MTA3: variants seen among roughly 807,000 people sequenced by gnomAD.
MTA3 encodes metastasis-associated protein MTA3.
In MTA3, 34 loss-of-function variants were observed where a neutral mutation model predicts 83.5. The ratio of observed to expected loss-of-function variants is 0.41; its 90% CI spans 0.31 to 0.54. The LOEUF is 0.54. MTA3 is among the 20% of genes least tolerant of loss of function. The pLI is 0.33. For missense variants in MTA3, 761 were observed against 726.4 expected (o/e 1.05, Z -0.55); for synonymous variants, 303 against 252.7 (o/e 1.20, Z -1.89).
chr2:42,642,396 C>G (rs1235007455), intron 5 of MTA3, among the ~76,000 whole-genome samples: 2 of 151,856 alleles, frequency 1.3e-5, no homozygotes, highest in East Asian at 3.9e-4. Context: ...GGGCTCATGT[C>G]TGTGATCCCA....
intron 2 of MTA3, among the ~76,000 whole-genome samples, chr2:42,500,514 G>C (rs1476897475): frequency 6.6e-6 from 1 of 152,104 alleles, no homozygotes; most frequent in Non-Finnish European, 1.5e-5. Context: ...TCCAGCCTGG[G>C]TGACAGAGGC....
chr2:42,592,674 C>G (rs556398796), intron 3 of MTA3, among the ~76,000 whole-genome samples: 1 of 152,270 alleles, frequency 6.6e-6, no homozygotes, highest in African/African-American at 2.4e-5. Context: ...GGGTCAGGAT[C>G]ATCAATATCA....
At chr2:42,701,487 C>T (rs988855793) in intron 11 of MTA3, among the ~76,000 whole-genome samples, 2 of 151,414 alleles carry the variant, frequency 1.3e-5, no homozygotes, top group Non-Finnish European at 2.9e-5. Flanking sequence ...GTCCCAGCTA[C>T]TTGAGAGGCT....
intron 8 of MTA3, among the ~76,000 whole-genome samples, chr2:42,662,272 C>G (rs532602913): frequency 1.3e-5 from 2 of 152,142 alleles, no homozygotes; most frequent in African/African-American, 4.8e-5. Context: ...AAATTTCACA[C>G]ATATCCCTTT....
At chr2:42,629,156 T>C (rs534795942) in intron 4 of MTA3, among the ~76,000 whole-genome samples, 108 of 152,280 alleles carry the variant, frequency 7.1e-4, no homozygotes, top group African/African-American at 2.5e-3. Context: ...CTCAGCTCCC[T>C]GCAATCTCTG....
intron 16 of MTA3, among the ~76,000 whole-genome samples, chr2:42,751,525 A>G (rs1174933765): frequency 6.6e-6 from 1 of 152,138 alleles, no homozygotes; most frequent in African/African-American, 2.4e-5. Flanking sequence ...TGAAGTGATA[A>G]CCTTGTAAGG....
intron 11 of MTA3, chr2:42,703,297 T>C (rs1051189061): frequency 6.6e-6 from 1 of 152,192 alleles, no homozygotes; most frequent in Non-Finnish European, 1.5e-5. Context: ...TCAAATGCTA[T>C]GTAATATTTC....
intron 15 of MTA3, among the ~76,000 whole-genome samples, chr2:42,721,880 T>C (rs1425407166): frequency 6.6e-6 from 1 of 152,110 alleles, no homozygotes; most frequent in East Asian, 1.9e-4. Flanking sequence ...GGCAAACTTG[T>C]CATGTCATGT....
Position 42,644,221 on chromosome 2 carries a change from A to G in MTA3, c.476A>G (p.Asp159Gly), listed in dbSNP as rs1339884043. 2 of 1,611,420 alleles carry G rather than the reference A, an allele frequency of 1.2e-6. No individual in the cohort carries two copies. The highest frequency in any genetic ancestry group is 2.2e-5 in the South Asian group (2 of 90,430). Residue 159 changes from aspartate (D) to glycine (G), a missense_variant, in exon 6 of 17, where the codon GAC becomes GGC. Coordinates refer to ENST00000405094, the MANE Select transcript of MTA3 (RefSeq NM_001330442.2). ...EIRVGPRYQADIPEMLLEGES... is the reference protein window; with the variant it reads ...EIRVGPRYQAGIPEMLLEGES... Reference sequence around the variant, plus strand: ...AGAGTGGGACCTAGATATCAAGCAGACATTCCAGAAATGCTGTTAGAAGGT... The same window carrying G: ...AGAGTGGGACCTAGATATCAAGCAGGCATTCCAGAAATGCTGTTAGAAGGT...
chr2:42,732,770 T>C (rs1034259563), intron 16 of MTA3, among the ~76,000 whole-genome samples: 2 of 152,194 alleles, frequency 1.3e-5, no homozygotes, highest in African/African-American at 4.8e-5. Context: ...TGCTTAGAAA[T>C]TTTTTCTGCC....
intron 6 of MTA3, among the ~76,000 whole-genome samples, chr2:42,647,498 A>G (rs1406140802): frequency 6.6e-6 from 1 of 151,980 alleles, no homozygotes; most frequent in African/African-American, 2.4e-5. Flanking sequence ...AAGTGCTGGG[A>G]TTACAGGTGT....
At chr2:42,606,457 C>A (rs549537604) in intron 3 of MTA3, among the ~76,000 whole-genome samples, 6 of 150,358 alleles carry the variant, frequency 4.0e-5, no homozygotes, top group African/African-American at 1.5e-4. Flanking sequence ...ACATCTCAGA[C>A]GATCTCCTCA....
intron 8 of MTA3, among the ~76,000 whole-genome samples, chr2:42,662,832 A>T (rs1014522189): frequency 6.6e-6 from 1 of 151,564 alleles, no homozygotes; most frequent in Admixed American, 6.6e-5. Flanking sequence ...CCCGGGTTCA[A>T]GTGATTCTTC....
rs1676919069 is a variant in MTA3, at chr2:42,548,863, T to TATATGTATATA, written c.-140-21570_-140-21569insGTATATAATAT. On this transcript the variant is annotated intron_variant, in intron 2 of 17. Coordinates refer to the MTA3 transcript ENST00000405592. ...ATATATATAATATATATATATAATA[T>TATATGTATATA]ATATATATATATAATATATATATAT... Among the ~76,000 whole-genome samples the TATATGTATATA allele has an allele frequency of 2.5e-4, 3 of 11,948 alleles. 1 individual carries two copies. In the South Asian group the frequency reaches 5.9e-3, roughly 24 times the overall value. The allele number at this position is 11,948 out of a possible 152,430, so 7.8% of individuals were successfully genotyped here.
chr2:42,688,848 G>A (rs1692629669), intron 9 of MTA3, among the ~76,000 whole-genome samples: 2 of 152,006 alleles, frequency 1.3e-5, no homozygotes, highest in Non-Finnish European at 1.5e-5. Context: ...GCACTGGCTA[G>A]TATTTCCAAT....
At chr2:42,595,196 A>G (rs1441637256) in intron 3 of MTA3, among the ~76,000 whole-genome samples, 2 of 130,064 alleles carry the variant, frequency 1.5e-5, no homozygotes, top group African/African-American at 3.0e-5. Context: ...TGCAAGCTCC[A>G]CTTCCCAGGT....
intron 2 of MTA3, among the ~76,000 whole-genome samples, chr2:42,526,561 G>A (rs932471287): frequency 2.6e-5 from 4 of 152,240 alleles, no homozygotes; most frequent in South Asian, 2.1e-4. Context: ...CCTGGCAGAC[G>A]GCTTGTGACA....
chr2:42,719,630 T>G (rs1667266058), intron 15 of MTA3, among the ~76,000 whole-genome samples: 1 of 152,236 alleles, frequency 6.6e-6, no homozygotes, highest in Non-Finnish European at 1.5e-5. Context: ...TGCCTTGACT[T>G]CCCAAAGTGC....
chr2:42,723,507 A>G (rs1449381561), intron 16 of MTA3, among the ~76,000 whole-genome samples: 1 of 152,196 alleles, frequency 6.6e-6, no homozygotes, highest in East Asian at 1.9e-4. Context: ...ATGTCATGAA[A>G]GGAATTGCCT....
Sources: allele counts gnomAD v4.1 joint callset (sites outside exome capture counted in the v4.1 genomes callset), GRCh38; gene constraint gnomAD v4.1.1; transcripts MANE v1.5; gene names NCBI Gene and HGNC (gene_info 2026-07-23, HGNC 2026-07-21).